Variants in MYLK4 observed in about 807,000 individuals in gnomAD.
MYLK4 encodes caMLCK like.
MYLK4 carries 46 observed loss-of-function variants against 48.1 expected under a neutral mutation model. That is an observed-to-expected ratio of 0.96 (90% CI 0.75 to 1.22). MYLK4 has a LOEUF of 1.22. Ranked by LOEUF, MYLK4 falls within the 50% of genes most tolerant of loss-of-function variation. The pLI, the probability that MYLK4 is intolerant of heterozygous loss-of-function variation, is 0.00. For missense variants in MYLK4, 451 were observed against 486.1 expected, an observed-to-expected ratio of 0.93 and a Z score of 0.68; for synonymous variants, 170 against 180.8, an observed-to-expected ratio of 0.94 and a Z score of 0.48.
chr6:2,763,096 G>C, the MYLK4 span, among the ~76,000 whole-genome samples: 2 of 152,220 alleles, frequency 1.3e-5, no homozygotes, highest in African/African-American at 4.8e-5. Flanking sequence ...CCATTTTACA[G>C]AGAGCCCATT....
At chr6:2,745,529 CTT>C (rs1247532625) in intron 2 of MYLK4, among the ~76,000 whole-genome samples, 1 of 152,086 alleles carries the variant, frequency 6.6e-6, no homozygotes, top group Non-Finnish European at 1.5e-5. Flanking sequence ...CTGCTGAAAA[CTT>C]TTAAAATTTT....
At chr6:2,699,016 C>T (rs766408878) in intron 2 of MYLK4, among the ~76,000 whole-genome samples, 1 of 152,148 alleles carries the variant, frequency 6.6e-6, no homozygotes, top group African/African-American at 2.4e-5. Context: ...CAGGTGGAGT[C>T]AGTCACCTGA....
chr6:2,679,818 G>A (rs888547065), intron 8 of MYLK4, among the ~76,000 whole-genome samples: 9 of 152,196 alleles, frequency 5.9e-5, no homozygotes, highest in Non-Finnish European at 1.2e-4. Flanking sequence ...AATTGTTAAT[G>A]TGTCCACGTA....
intron 12 of MYLK4, among the ~76,000 whole-genome samples, chr6:2,668,324 G>A (rs980186142): frequency 9.2e-5 from 14 of 152,146 alleles, no homozygotes; most frequent in African/African-American, 3.4e-4. Context: ...GTTTCCATGT[G>A]CTTTATGACC....
intron 2 of MYLK4, among the ~76,000 whole-genome samples, chr6:2,741,101 T>TCAA (rs61122602): frequency 0.91 from 138,086 of 152,108 alleles, 62,818 homozygotes; most frequent in East Asian, 1. Context: ...TTTAAATGAC[T>TCAA]CATATGAAAA....
chr6:2,737,845 T>C (rs1356312613), intron 2 of MYLK4, among the ~76,000 whole-genome samples: 2 of 151,604 alleles, frequency 1.3e-5, no homozygotes, highest in African/African-American at 2.4e-5. Flanking sequence ...GAATGGTAGA[T>C]GGTGTAAAGT....
At chr6:2,762,418 G>C in the MYLK4 span, among the ~76,000 whole-genome samples, 1 of 152,136 alleles carries the variant, frequency 6.6e-6, no homozygotes, top group African/African-American at 2.4e-5. Flanking sequence ...TCTGAAAAAA[G>C]AAATTTTAGG....
the MYLK4 span, chr6:2,765,504 C>T: frequency 5.2e-5 from 65 of 1,249,000 alleles, no homozygotes; most frequent in African/African-American, 4.9e-4. Context: ...CCGCGAGCGT[C>T]CTGCTGGTTC....
intron 11 of MYLK4, 128 bp downstream of exon 11, chr6:2,674,919 C>G: frequency 2.5e-6 from 2 of 796,122 alleles, no homozygotes; most frequent in Middle Eastern, 2.4e-4. Context: ...TAATACTGCA[C>G]AAGATTTGCA....
intron 2 of MYLK4, among the ~76,000 whole-genome samples, chr6:2,737,986 G>GC (rs1192561701): frequency 8.4e-5 from 10 of 119,374 alleles, no homozygotes; most frequent in African/African-American, 2.4e-4. Flanking sequence ...GCGGGTGGGG[G>GC]GGGGGTGGTC....
At chr6:2,694,537 T>TG (rs1761967549) in intron 2 of MYLK4, among the ~76,000 whole-genome samples, 2 of 128,524 alleles carry the variant, frequency 1.6e-5, no homozygotes, top group African/African-American at 3.0e-5. Context: ...GTGGTAGTAG[T>TG]GTTGGTTGTG....
intron 2 of MYLK4, among the ~76,000 whole-genome samples, chr6:2,736,028 GCCTGTTTGATATCAAAGT>G (rs1275425764): frequency 3.3e-5 from 5 of 152,048 alleles, no homozygotes; most frequent in Non-Finnish European, 5.9e-5. Context: ...TTGAATTTGG[GCCTGTTTGATATCAAAGT>G]CCATCATCAG....
the MYLK4 span, among the ~76,000 whole-genome samples, chr6:2,762,446 C>G: frequency 9.8e-5 from 15 of 152,336 alleles, no homozygotes; most frequent in African/African-American, 3.4e-4. Context: ...TTAAGAGATT[C>G]AAGAAATTTG....
chr6:2,702,191 A>G (rs909198392), intron 2 of MYLK4, among the ~76,000 whole-genome samples: 2 of 152,134 alleles, frequency 1.3e-5, no homozygotes, highest in Non-Finnish European at 2.9e-5. Context: ...TGTGCCTGGA[A>G]CTTTCCACTA....
intron 2 of MYLK4, among the ~76,000 whole-genome samples, chr6:2,702,756 C>T (rs1762335978): frequency 6.6e-6 from 1 of 152,028 alleles, no homozygotes; most frequent in South Asian, 2.1e-4. Context: ...ACACCGTGCC[C>T]CAGGAATATA....
At chr6:2,763,529 C>T in the MYLK4 span, among the ~76,000 whole-genome samples, 4 of 152,228 alleles carry the variant, frequency 2.6e-5, no homozygotes, top group East Asian at 1.9e-4. Context: ...AGCTCCTCAC[C>T]GTCCTGGGCC....
Position 2,665,498 on chromosome 6 carries a change from C to CTAAA in MYLK4, c.*2423_*2426dup, listed in dbSNP as rs1307665928. On this transcript the variant is annotated 3_prime_UTR_variant, in exon 13 of 13. Transcript: ENST00000274643. ...CCATTTTCAAAGTACAGTCTCCTTT[C>CTAAA]TAAACCTCAAAACAAAACAAAAATC... The CTAAA allele has an allele frequency of 3.9e-5, 6 of 152,354 alleles. No individual in the cohort carries two copies. The highest frequency in any genetic ancestry group is 1.2e-4 in the African/African-American group (5 of 41,578). The allele number at this position is 152,354 out of a possible 1,614,324, so 9.4% of individuals were successfully genotyped here.
rs536402294 is a variant in MYLK4, at chr6:2,672,170, G to A, written c.1120-822C>T. On this transcript the variant is annotated intron_variant, in intron 11 of 12. Coordinates refer to ENST00000274643, the MANE Select transcript of MYLK4 (RefSeq NM_001012418.5). The surrounding 1 kb of genome is among the most constrained non-coding windows in gnomAD (Gnocchi z 4.3). ...GGTCAGAGGCTTCTTAGCTCTGGGGGAAAGAAAACATGTCAAATTTGTGTC... is the reference window on the plus strand; with the variant it reads ...GGTCAGAGGCTTCTTAGCTCTGGGGAAAAGAAAACATGTCAAATTTGTGTC... 9.2e-5 allele frequency among the ~76,000 whole-genome samples: 14 copies of A among 152,310 alleles called. No individual in the cohort carries two copies. Among genetic ancestry groups the A allele is most frequent in the African/African-American group, 3.4e-4 (14 of 41,578 alleles).
intron 7 of MYLK4, among the ~76,000 whole-genome samples, chr6:2,681,828 T>C (rs1403189437): frequency 1.3e-5 from 2 of 152,240 alleles, no homozygotes; most frequent in African/African-American, 2.4e-5. Context: ...AAGCCTCATA[T>C]GGAGTCATTT....
Sources: gnomAD v4.1 joint callset for allele counts (sites outside exome capture counted in the v4.1 genomes callset) on GRCh38, gnomAD v4.1.1 for gene constraint, Gnocchi (gnomAD v3.1) non-coding constraint, MANE v1.5 for transcripts, NCBI Gene and HGNC (gene_info 2026-07-23, HGNC 2026-07-21) for gene names.